HIVEP1: variants seen among roughly 807,000 people sequenced by gnomAD.
HIVEP1 encodes HIVEP zinc finger 1.
A neutral mutation model predicts 180.0 loss-of-function variants in HIVEP1; 36 were observed. That is an observed-to-expected ratio of 0.20 (90% CI 0.15 to 0.26). The LOEUF is 0.26. Among genes scored for constraint, HIVEP1 ranks in the 10% least tolerant of loss-of-function variants. HIVEP1 has a pLI of 1.00. For synonymous variants in HIVEP1, 1,239 were observed against 1,239.0 expected (o/e 1.00, Z 0.00); for missense variants, 3,143 against 3,268.7 (o/e 0.96, Z 0.94).
At chr6:12,026,375 G>A (rs144150574) in intron 2 of HIVEP1, among the ~76,000 whole-genome samples, 1 of 152,298 alleles carries the variant, frequency 6.6e-6, no homozygotes, top group East Asian at 1.9e-4. Context: ...GGAGTTTTGA[G>A]ACGGGTTTTT....
At chr6:12,178,033 A>T in the HIVEP1 span, among the ~76,000 whole-genome samples, 2 of 152,226 alleles carry the variant, frequency 1.3e-5, no homozygotes, top group Non-Finnish European at 2.9e-5. Context: ...GGGAAAATAT[A>T]TAGTGCTATC....
At chr6:12,139,064 G>A (rs1415057712) in intron 7 of HIVEP1, among the ~76,000 whole-genome samples, 1 of 151,834 alleles carries the variant, frequency 6.6e-6, no homozygotes, top group Non-Finnish European at 1.5e-5. Context: ...GTTCTACCCT[G>A]TTCCTTTACA....
intron 2 of HIVEP1, among the ~76,000 whole-genome samples, chr6:12,017,499 A>C (rs569128127): frequency 6.6e-6 from 1 of 152,354 alleles, no homozygotes; most frequent in East Asian, 1.9e-4. Flanking sequence ...GCACAACAAC[A>C]AAGCTTCCAC....
chr6:12,115,350 CTTTTTTTTTTTTTT>C (rs34074662), intron 3 of HIVEP1, among the ~76,000 whole-genome samples: 5 of 75,298 alleles, frequency 6.6e-5, no homozygotes, highest in Admixed American at 3.9e-4. Flanking sequence ...CCCAACTATT[CTTTTTTTTTTTTTT>C]TTTTTTTTTT....
At chr6:12,103,899 G>A (rs1424095932) in intron 3 of HIVEP1, among the ~76,000 whole-genome samples, 1 of 152,082 alleles carries the variant, frequency 6.6e-6, no homozygotes, top group African/African-American at 2.4e-5. Flanking sequence ...ATTCTTTCAA[G>A]TGTCATATAT....
chr6:12,024,408 G>A (rs780280095), intron 2 of HIVEP1, among the ~76,000 whole-genome samples: 11 of 152,174 alleles, frequency 7.2e-5, no homozygotes, highest in Non-Finnish European at 1.2e-4. Flanking sequence ...TGGCTGCTGT[G>A]TAATGAGATA....
chr6:12,117,150 A>G (rs1775266492), intron 3 of HIVEP1, among the ~76,000 whole-genome samples: 1 of 152,186 alleles, frequency 6.6e-6, no homozygotes, highest in Non-Finnish European at 1.5e-5. Flanking sequence ...TTGACCAGAA[A>G]ACGTATATGA....
At chr6:12,169,875 C>T (rs1400898796), downstream of HIVEP1, among the ~76,000 whole-genome samples, 1 of 152,122 alleles carries the variant, frequency 6.6e-6, no homozygotes, top group Non-Finnish European at 1.5e-5. Context: ...AATCCCAGCA[C>T]TTCGGGAGGC....
At chr6:12,171,681 T>G in the HIVEP1 span, among the ~76,000 whole-genome samples, 1 of 152,204 alleles carries the variant, frequency 6.6e-6, no homozygotes, top group African/African-American at 2.4e-5. Context: ...AGTGGGCTAT[T>G]GTGAGGGAAA....
At chr6:12,145,138 A>G (rs905152375) in intron 7 of HIVEP1, among the ~76,000 whole-genome samples, 3 of 152,356 alleles carry the variant, frequency 2.0e-5, no homozygotes, top group East Asian at 1.9e-4. Flanking sequence ...CATCAATTAT[A>G]GACTGGATTA....
intron 2 of HIVEP1, among the ~76,000 whole-genome samples, chr6:12,081,750 G>T (rs538164136): frequency 6.6e-6 from 1 of 152,266 alleles, no homozygotes; most frequent in South Asian, 2.1e-4. Context: ...TTGACCCTGT[G>T]TTTCTCTATC....
At chr6:12,196,741 C>T in the HIVEP1 span, among the ~76,000 whole-genome samples, 1 of 152,178 alleles carries the variant, frequency 6.6e-6, no homozygotes, top group Admixed American at 6.5e-5. Flanking sequence ...CCGCCATCCC[C>T]ATGTTAGAAT....
chr6:12,153,654 G>A (rs1301518775), intron 7 of HIVEP1, among the ~76,000 whole-genome samples: 1 of 151,362 alleles, frequency 6.6e-6, no homozygotes, highest in African/African-American at 2.4e-5. Flanking sequence ...CTAGGTTAGA[G>A]TGAATTGGGG....
intron 3 of HIVEP1, among the ~76,000 whole-genome samples, chr6:12,107,092 A>G (rs114527871): frequency 0.011 from 1,608 of 152,324 alleles, 29 homozygotes; most frequent in African/African-American, 0.036. Flanking sequence ...TAAGTAGCCA[A>G]TAGGCACTGT....
intron 2 of HIVEP1, among the ~76,000 whole-genome samples, chr6:12,024,561 A>G (rs886405027): frequency 1.3e-5 from 2 of 152,200 alleles, no homozygotes; most frequent in South Asian, 2.1e-4. Context: ...TTAACCAAGC[A>G]TACTTGTTAT....
At chr6:12,103,454 T>C (rs557533655) in intron 3 of HIVEP1, among the ~76,000 whole-genome samples, 24 of 152,060 alleles carry the variant, frequency 1.6e-4, no homozygotes, top group African/African-American at 5.5e-4. Flanking sequence ...ATGTGAACAG[T>C]GATGATTTGA....
At chr6:12,052,618 T>C (rs1770613560) in intron 2 of HIVEP1, among the ~76,000 whole-genome samples, 1 of 152,188 alleles carries the variant, frequency 6.6e-6, no homozygotes, top group African/African-American at 2.4e-5. Flanking sequence ...ACTATTTAAT[T>C]TTTTGTTATG....
At chr6:12,171,900 G>A in the HIVEP1 span, among the ~76,000 whole-genome samples, 1 of 152,184 alleles carries the variant, frequency 6.6e-6, no homozygotes, top group East Asian at 1.9e-4. Context: ...ATTGGGATCA[G>A]CCGGGGAGGC....
intron 3 of HIVEP1, among the ~76,000 whole-genome samples, chr6:12,117,512 A>T (rs1217647475): frequency 6.6e-6 from 1 of 152,240 alleles, no homozygotes; most frequent in Non-Finnish European, 1.5e-5. Context: ...TCTTTTAAGT[A>T]CAAGGTTACA....
Sources: allele counts gnomAD v4.1 joint callset (sites outside exome capture counted in the v4.1 genomes callset), GRCh38; gene constraint gnomAD v4.1.1; transcripts MANE v1.5; gene names NCBI Gene and HGNC (gene_info 2026-07-23, HGNC 2026-07-21).